SNX7: variants seen among roughly 807,000 people sequenced by gnomAD.
The protein encoded by SNX7 is sorting nexin-7.
In SNX7, 35 loss-of-function variants were observed where a neutral mutation model predicts 48.4. That is an observed-to-expected ratio of 0.72 (90% CI 0.55 to 0.96). SNX7 has a LOEUF of 0.96. SNX7 is among the 40% of genes least tolerant of loss of function. The pLI, the probability that SNX7 is intolerant of heterozygous loss-of-function variation, is 0.00. For missense variants in SNX7, 553 were observed against 548.9 expected (o/e 1.01, Z -0.07); for synonymous variants, 190 against 190.2 (o/e 1.00, Z 0.01).
chr1:98,712,391 G>A (rs1258710996), intron 7 of SNX7, among the ~76,000 whole-genome samples: 1 of 152,156 alleles, frequency 6.6e-6, no homozygotes, highest in Non-Finnish European at 1.5e-5. Flanking sequence ...ATGGACTATG[G>A]AAGTTACATT....
intron 7 of SNX7, among the ~76,000 whole-genome samples, chr1:98,721,156 A>T (rs1652852556): frequency 6.6e-6 from 1 of 152,088 alleles, no homozygotes; most frequent in African/African-American, 2.4e-5. Flanking sequence ...GTACTTTTTG[A>T]GTACTGACAT....
intron 7 of SNX7, among the ~76,000 whole-genome samples, chr1:98,736,448 C>T (rs974317861): frequency 6.6e-6 from 1 of 152,134 alleles, no homozygotes; most frequent in Non-Finnish European, 1.5e-5. Flanking sequence ...TTTATTATGG[C>T]TGTGGGTGCC....
Position 98,685,059 on chromosome 1 carries a change from AT to A in SNX7, c.357del (p.Thr120LeufsTer25). On this transcript the variant is annotated frameshift_variant, in exon 2 of 9. Coordinates refer to ENST00000306121, the MANE Select transcript of SNX7 (RefSeq NM_015976.5). LOFTEE classifies it high-confidence loss of function. Reference protein sequence around the residue: ...TIETFITYRIITKTSRGEFDS... With the variant: ...TIETFITYRIXTKTSRGEFDS... ...AGAAACTTTCATTACGTATAGGATT[AT>A]TACTAAGGTAAACATTTGGTGAATA... The A allele has an allele frequency of 6.8e-7, 1 of 1,478,296 alleles. No individual in the cohort carries two copies. Among genetic ancestry groups the A allele is most frequent in the Non-Finnish European group, 9.1e-7 (1 of 1,104,592 alleles). The allele number at this position is 1,478,296 out of a possible 1,614,324, so 91.6% of individuals were successfully genotyped here.
At chr1:98,682,111 T>TA (rs1380514846) in intron 1 of SNX7, among the ~76,000 whole-genome samples, 2 of 131,800 alleles carry the variant, frequency 1.5e-5, no homozygotes, top group Non-Finnish European at 3.3e-5. Context: ...TTCCTTTTTT[T>TA]AATTCCCTTT....
chr1:98,707,094 G>A (rs78355574), intron 7 of SNX7, among the ~76,000 whole-genome samples: 5,343 of 152,140 alleles, frequency 0.035, 385 homozygotes, highest in East Asian at 0.34. Flanking sequence ...ACTTTATCCT[G>A]TCAGAGCCTT....
intron 8 of SNX7, among the ~76,000 whole-genome samples, chr1:98,754,230 C>T (rs1054251393): frequency 6.6e-6 from 1 of 152,018 alleles, no homozygotes; most frequent in African/African-American, 2.4e-5. Flanking sequence ...GGTTATGATG[C>T]ATAATTCTTT....
intron 8 of SNX7, among the ~76,000 whole-genome samples, chr1:98,753,611 T>C (rs960312579): frequency 6.6e-6 from 1 of 152,096 alleles, no homozygotes; most frequent in African/African-American, 2.4e-5. Flanking sequence ...TTTGCAGTTA[T>C]TAAAAATATA....
At chr1:98,679,596 A>G (rs771495948) in intron 1 of SNX7, among the ~76,000 whole-genome samples, 1 of 152,184 alleles carries the variant, frequency 6.6e-6, no homozygotes, top group Non-Finnish European at 1.5e-5. Flanking sequence ...CCTAGATACA[A>G]TGGGGGTACA....
intron 8 of SNX7, among the ~76,000 whole-genome samples, chr1:98,758,944 C>T (rs1054524022): frequency 2.6e-5 from 4 of 152,002 alleles, no homozygotes; most frequent in Non-Finnish European, 4.4e-5. Flanking sequence ...CACACACACA[C>T]ACACACATAA....
intron 4 of SNX7, 34 bp from the exon 5 acceptor site, chr1:98,695,484 G>C (rs779087271): frequency 1.3e-6 from 2 of 1,593,642 alleles, no homozygotes; most frequent in Non-Finnish European, 1.7e-6. Flanking sequence ...ATTGAGACTT[G>C]TTTCACTAGA....
intron 4 of SNX7, among the ~76,000 whole-genome samples, chr1:98,694,667 GCA>G (rs1557802609): frequency 2.2e-5 from 3 of 134,270 alleles, no homozygotes; most frequent in Non-Finnish European, 4.6e-5. Context: ...GAGTGCAGTG[GCA>G]TGATCTCGGC....
At chr1:98,711,623 G>A (rs942140637) in intron 7 of SNX7, among the ~76,000 whole-genome samples, 2 of 152,212 alleles carry the variant, frequency 1.3e-5, no homozygotes, top group African/African-American at 4.8e-5. Context: ...ATGATCATAT[G>A]AGCCTTCAGA....
At chr1:98,735,093 C>T (rs910890937) in intron 7 of SNX7, among the ~76,000 whole-genome samples, 3 of 152,090 alleles carry the variant, frequency 2.0e-5, no homozygotes, top group Non-Finnish European at 4.4e-5. Context: ...GGGCTATTCT[C>T]CCCCTCAGAT....
chr1:98,672,607 G>A (rs1649929354), intron 1 of SNX7, among the ~76,000 whole-genome samples: 1 of 151,744 alleles, frequency 6.6e-6, no homozygotes, highest in Admixed American at 6.6e-5. Flanking sequence ...AAATACAAGA[G>A]GTAAAATTTT....
intron 7 of SNX7, among the ~76,000 whole-genome samples, chr1:98,737,405 T>G (rs144406047): frequency 2.6e-5 from 4 of 152,298 alleles, no homozygotes; most frequent in African/African-American, 9.6e-5. Context: ...CTCTCCCCAG[T>G]ACAGTATAAG....
intron 8 of SNX7, among the ~76,000 whole-genome samples, chr1:98,755,017 C>G (rs1252673779): frequency 2.0e-5 from 3 of 152,010 alleles, no homozygotes; most frequent in Non-Finnish European, 4.4e-5. Context: ...TCATTCAGTT[C>G]AAAACTCTTT....
chr1:98,747,366 T>C (rs1417548989), intron 8 of SNX7, among the ~76,000 whole-genome samples: 1 of 152,134 alleles, frequency 6.6e-6, no homozygotes, highest in Non-Finnish European at 1.5e-5. Context: ...AAGTAATCAG[T>C]TGGAATCTTC....
At chr1:98,662,461 T>G (rs1361853291) in intron 1 of SNX7, 1 of 308,842 alleles carries the variant, frequency 3.2e-6, no homozygotes, top group South Asian at 2.8e-5. Context: ...AACAGGAAGC[T>G]CCTCCGCTGA....
chr1:98,708,529 A>G (rs1652133823), intron 7 of SNX7, among the ~76,000 whole-genome samples: 1 of 152,146 alleles, frequency 6.6e-6, no homozygotes, highest in Non-Finnish European at 1.5e-5. Flanking sequence ...GATTCTGGGT[A>G]AAACACTAAT....
Sources: gnomAD v4.1 joint callset for allele counts (sites outside exome capture counted in the v4.1 genomes callset) on GRCh38, gnomAD v4.1.1 for gene constraint, MANE v1.5 for transcripts, NCBI Gene and HGNC (gene_info 2026-07-23, HGNC 2026-07-21) for gene names.